LNP1: variants seen among roughly 807,000 people sequenced by gnomAD.
The protein encoded by LNP1 is leukemia NUP98 fusion partner 1.
In LNP1, 12 loss-of-function variants were observed where a neutral mutation model predicts 14.5. The ratio of observed to expected loss-of-function variants is 0.83; its 90% CI spans 0.53 to 1.34. The LOEUF (loss-of-function observed/expected upper bound fraction) is 1.34. LNP1 is among the 40% of genes most tolerant of loss of function. The probability of loss-of-function intolerance (pLI) is 0.00; values close to 1 mark genes in which losing one functional copy is unlikely to be tolerated. For missense variants in LNP1, 198 were observed against 210.9 expected (o/e 0.94, Z 0.38); for synonymous variants, 75 against 71.4 (o/e 1.05, Z -0.26).
chr3:100,432,111 A>ATT (rs1426810880), intron 2 of LNP1, among the ~76,000 whole-genome samples: 1 of 144,906 alleles, frequency 6.9e-6, no homozygotes, highest in African/African-American at 2.6e-5. Context: ...GCTAATGGAA[A>ATT]TACCTTAAAG....
In LNP1 at chr3:100,416,594, CTTTT is replaced by C. The variant is rs368866932; in HGVS notation, c.-33-13100_-33-13097del. 2.5e-3 allele frequency among the ~76,000 whole-genome samples: 200 copies of C among 80,314 alleles called. 1 individual carries two copies. The highest frequency in any genetic ancestry group is 3.5e-3 in the Non-Finnish European group (145 of 41,816). 52.7% of individuals were successfully genotyped at this position (80,314 alleles called of 152,430 possible). A position where few individuals can be genotyped will look rare whatever the true frequency, so the allele number is the denominator to read the frequency against. On this transcript the variant is annotated intron_variant, in intron 1 of 3. Transcript: ENST00000383693. ...GATATAAATAATACCTTGAGTATAT[CTTTT>C]TTGTGTGTGTGTGTGTGTGTGTGTG...
Position 100,455,940 on chromosome 3 carries a change from C to T in LNP1, c.*14C>T, listed in dbSNP as rs557791506. On this transcript the variant is annotated 3_prime_UTR_variant, in exon 4 of 4. Coordinates refer to ENST00000383693, the MANE Select transcript of LNP1 (RefSeq NM_001085451.2). ...GGGCCTGAATAATACTCTGCTTCTG[C>T]CTCATGACATCAGATGCTACTGTTT... The T allele has an allele frequency of 3.8e-6, 6 of 1,598,506 alleles. No individual in the cohort carries two copies. The South Asian group carries it at 6.8e-5, about 18-fold the overall frequency.
In LNP1 at chr3:100,447,389, A is replaced by G. The variant is rs538535544; in HGVS notation, c.157-4330A>G. ...CCGCATGTTCTCACTCATAGGTGGG[A>G]ATTGAACAATGAGATCACTTGGACA... On this transcript the variant is annotated intron_variant, in intron 2 of 3. Coordinates refer to ENST00000383693, the MANE Select transcript of LNP1 (RefSeq NM_001085451.2). Among the ~76,000 whole-genome samples, 30 of 152,268 alleles carry G rather than the reference A, an allele frequency of 2.0e-4. No homozygotes were observed. In the East Asian group the frequency reaches 5.6e-3, roughly 28 times the overall value.
intron 2 of LNP1, among the ~76,000 whole-genome samples, chr3:100,446,699 C>T (rs1707391764): frequency 5.3e-5 from 8 of 151,510 alleles, no homozygotes; most frequent in Admixed American, 4.6e-4. Flanking sequence ...GTAATCTACC[C>T]ATCTGACAAA....
chr3:100,432,498 T>C (rs1323981748), intron 2 of LNP1, among the ~76,000 whole-genome samples: 1 of 152,214 alleles, frequency 6.6e-6, no homozygotes, highest in African/African-American at 2.4e-5. Context: ...AATACAAATT[T>C]GGCAGAAAGA....
At chr3:100,445,146 C>A (rs1363336367) in intron 2 of LNP1, among the ~76,000 whole-genome samples, 1 of 152,140 alleles carries the variant, frequency 6.6e-6, no homozygotes, top group Non-Finnish European at 1.5e-5. Flanking sequence ...GTGGTGGGCA[C>A]CAGTCATCTC....
At chr3:100,411,755 A>G (rs947364570) in intron 1 of LNP1, among the ~76,000 whole-genome samples, 1 of 152,064 alleles carries the variant, frequency 6.6e-6, no homozygotes, top group African/African-American at 2.4e-5. Flanking sequence ...TTATAAGGGC[A>G]CTAATTTCAT....
Position 100,441,009 on chromosome 3 carries a change from G to A in LNP1, c.157-10710G>A, listed in dbSNP as rs1267390297. Among the ~76,000 whole-genome samples, 7 of 152,152 alleles carry A rather than the reference G, an allele frequency of 4.6e-5. No individual in the cohort carries two copies. In the South Asian group the frequency reaches 8.3e-4, roughly 18 times the overall value. ...GGGAGGAGCCTGTGCCAGTGCCTGC[G>A]CTACACAGGAGCAGGTGAGCTCGAG... On this transcript the variant is annotated intron_variant, in intron 2 of 3. Coordinates refer to ENST00000383693, the MANE Select transcript of LNP1 (RefSeq NM_001085451.2).
chr3:100,441,032 G>C (rs548081571), intron 2 of LNP1, among the ~76,000 whole-genome samples: 5 of 152,154 alleles, frequency 3.3e-5, no homozygotes, highest in Non-Finnish European at 5.9e-5. Context: ...AGGTGAGCTC[G>C]AGAAAGAGAT....
At chr3:100,419,909 C>T (rs1707128009) in intron 1 of LNP1, among the ~76,000 whole-genome samples, 1 of 152,082 alleles carries the variant, frequency 6.6e-6, no homozygotes, top group East Asian at 1.9e-4. Flanking sequence ...ATCACTGGGT[C>T]ATATGGTAGA....
chr3:100,455,126 T>C (rs1307514704), intron 3 of LNP1, among the ~76,000 whole-genome samples: 3 of 152,236 alleles, frequency 2.0e-5, no homozygotes, highest in Non-Finnish European at 4.4e-5. Context: ...TTATCACTAT[T>C]GATTATTTTT....
intron 3 of LNP1, 132 bp from the exon 4 acceptor site, chr3:100,455,645 T>C (rs1488560904): frequency 1.2e-6 from 1 of 847,566 alleles, no homozygotes; most frequent in Non-Finnish European, 1.9e-6. Flanking sequence ...TTATGCTAAT[T>C]TATTTCTAGA....
intron 1 of LNP1, among the ~76,000 whole-genome samples, chr3:100,411,654 C>T (rs1283106291): frequency 6.6e-6 from 1 of 152,152 alleles, no homozygotes; most frequent in Non-Finnish European, 1.5e-5. Flanking sequence ...GGTTCTCTTC[C>T]TGGCTCACTG....
At chr3:100,428,360 C>A (rs1046256922) in intron 1 of LNP1, among the ~76,000 whole-genome samples, 20 of 151,842 alleles carry the variant, frequency 1.3e-4, no homozygotes, top group Non-Finnish European at 2.6e-4. Context: ...GGTGAAACCC[C>A]ATCTCTACTT....
chr3:100,441,156 T>C (rs1385638815), intron 2 of LNP1, among the ~76,000 whole-genome samples: 1 of 152,166 alleles, frequency 6.6e-6, no homozygotes, highest in Non-Finnish European at 1.5e-5. Context: ...TAAATTACAG[T>C]GGCAGCAAGA....
At position 100,405,870 on chromosome 3, in the gene LNP1, A is replaced by G. The variant is rs536139693; in HGVS notation, c.-34+3431A>G. On this transcript the variant is annotated intron_variant, in intron 1 of 3. Transcript: ENST00000383693. ...TAACTGTAATTTCACTCTTGAGCTG[A>G]AAGACTTTTAAATCCTCTTCACTTT... is the stretch of plus-strand genomic sequence containing the variant. 5.1e-4 allele frequency among the ~76,000 whole-genome samples: 78 copies of G among 152,302 alleles called. No individual in the cohort carries two copies. In the South Asian group the frequency reaches 0.012, roughly 23 times the overall value.
At chr3:100,422,843 G>C (rs1184624241) in intron 1 of LNP1, among the ~76,000 whole-genome samples, 1 of 124,226 alleles carries the variant, frequency 8.0e-6, no homozygotes, top group African/African-American at 3.2e-5. Flanking sequence ...ACCACTAGTG[G>C]CATAGTTTAA....
At chr3:100,422,310 A>T (rs1707151044) in intron 1 of LNP1, among the ~76,000 whole-genome samples, 1 of 150,514 alleles carries the variant, frequency 6.6e-6, no homozygotes, top group Admixed American at 6.7e-5. Flanking sequence ...CAGCCTCCTG[A>T]GTAGCTGGGA....
At chr3:100,433,393 T>C (rs1707261029) in intron 2 of LNP1, among the ~76,000 whole-genome samples, 1 of 152,214 alleles carries the variant, frequency 6.6e-6, no homozygotes, top group Non-Finnish European at 1.5e-5. Context: ...GCAAAGGACA[T>C]GATCTCATTC....
Sources: gnomAD v4.1 joint callset for allele counts (sites outside exome capture counted in the v4.1 genomes callset) on GRCh38, gnomAD v4.1.1 for gene constraint, MANE v1.5 for transcripts, NCBI Gene and HGNC (gene_info 2026-07-23, HGNC 2026-07-21) for gene names.